Variants in NSD2 observed in about 807,000 individuals in gnomAD.
NSD2 encodes the protein nuclear receptor binding SET domain protein 2.
NSD2 carries 12 observed loss-of-function variants against 139.0 expected under a neutral mutation model. The observed-to-expected ratio is 0.09, with a 90% CI of 0.06 to 0.14. The LOEUF (loss-of-function observed/expected upper bound fraction) is 0.14. Ranked by LOEUF, NSD2 falls within the 10% of genes least tolerant of loss-of-function variation. NSD2 has a pLI of 1.00. For synonymous variants in NSD2, 669 were observed against 648.7 expected, an observed-to-expected ratio of 1.03 and a Z score of -0.48; for missense variants, 1,155 against 1,745.0, an observed-to-expected ratio of 0.66 and a Z score of 6.02.
At chr4:1,929,481 C>G (rs1721374709) in intron 5 of NSD2, among the ~76,000 whole-genome samples, 1 of 152,172 alleles carries the variant, frequency 6.6e-6, no homozygotes, top group South Asian at 2.1e-4. Context: ...GAGCCAGCAT[C>G]AGAGCTGGTT....
At chr4:1,932,917 G>A (rs1236457201) in intron 6 of NSD2, among the ~76,000 whole-genome samples, 1 of 152,244 alleles carries the variant, frequency 6.6e-6, no homozygotes, top group African/African-American at 2.4e-5. Context: ...GGCTGGCTTT[G>A]TGCTCACGAA....
chr4:1,946,767 T>G, intron 9 of NSD2: 1 of 1,049,604 alleles, frequency 9.5e-7, no homozygotes, highest in Non-Finnish European at 1.2e-6. Flanking sequence ...TTCATCTGAT[T>G]CCTATACTGG....
At chr4:1,944,974 G>C in intron 9 of NSD2, 3 of 1,064,528 alleles carry the variant, frequency 2.8e-6, no homozygotes, top group Non-Finnish European at 3.4e-6. Context: ...ACTTAAGCGA[G>C]GTTTCATGAC....
At chr4:1,937,606 C>T (rs770139864) in intron 7 of NSD2, among the ~76,000 whole-genome samples, 2 of 152,164 alleles carry the variant, frequency 1.3e-5, no homozygotes, top group Non-Finnish European at 2.9e-5. Flanking sequence ...ATATGACACC[C>T]AATGTGCACT....
chr4:1,937,536 A>G (rs1413988240), intron 7 of NSD2, among the ~76,000 whole-genome samples: 3 of 150,630 alleles, frequency 2.0e-5, no homozygotes, highest in Non-Finnish European at 4.4e-5. Flanking sequence ...CACATGATAA[A>G]AAGAAGTAAT....
rs537152501 is a variant in NSD2, at chr4:1,911,783, G to T, written c.761-5088G>T. ...AACCCATAAAAATAGTAGAAAATTC[G>T]GTTATGTTATCCGGTTTCTAGATGG... On this transcript the variant is annotated intron_variant, in intron 3 of 21. Transcript: ENST00000508803. Among the ~76,000 whole-genome samples the T allele has an allele frequency of 2.8e-4, 42 of 151,940 alleles. No individual in the cohort carries two copies. In the South Asian group the frequency reaches 6.3e-3, roughly 23 times the overall value.
In NSD2 at chr4:1,948,753, T is replaced by C; in HGVS notation, c.1882-2319T>C. The C allele has an allele frequency of 9.5e-7, 1 of 1,048,100 alleles. No individual in the cohort carries two copies. Among genetic ancestry groups the C allele is most frequent in the Admixed American group, 5.5e-5 (1 of 18,070 alleles). The allele number at this position is 1,048,100 out of a possible 1,614,324, so 64.9% of individuals were successfully genotyped here. On this transcript the variant is annotated intron_variant, in intron 9 of 21. Transcript: ENST00000508803. This position sits in a 1 kb window ranked among gnomAD's most constrained non-coding sequence, Gnocchi z 4.5. ...ACAGACTTTGTTAATGTAGGAAATC[T>C]CTCCAAGTGGAAACGTGCTAACTTT...
intron 1 of NSD2, among the ~76,000 whole-genome samples, chr4:1,872,061 G>A (rs931052741): frequency 6.6e-6 from 1 of 151,740 alleles, no homozygotes; most frequent in African/African-American, 2.4e-5. Flanking sequence ...CGGCGCCGGG[G>A]CCAGGGGTCG....
At chr4:1,957,123 A>G (rs889427040) in intron 15 of NSD2, among the ~76,000 whole-genome samples, 2 of 152,144 alleles carry the variant, frequency 1.3e-5, no homozygotes, top group Non-Finnish European at 2.9e-5. Flanking sequence ...GGCTGCAAAA[A>G]CAGGGCAGAC....
chr4:1,872,613 A>AGAGAGAGAGG (rs1713922396), intron 1 of NSD2, among the ~76,000 whole-genome samples: 1 of 143,768 alleles, frequency 7.0e-6, no homozygotes, highest in African/African-American at 2.6e-5. Flanking sequence ...AGAGAGAGAG[A>AGAGAGAGAGG]GAGAGAGAGA....
intron 5 of NSD2, among the ~76,000 whole-genome samples, chr4:1,920,600 G>A (rs1021420985): frequency 6.6e-6 from 1 of 152,140 alleles, no homozygotes; most frequent in African/African-American, 2.4e-5. Flanking sequence ...TTTGGTACGT[G>A]CATTAAAGTT....
rs200634771 is a variant in NSD2, at chr4:1,945,033, A to G, written c.1881+5255A>G. The G allele has an allele frequency of 1.7e-4, 179 of 1,065,824 alleles. 1 individual carries two copies. In the East Asian group the frequency reaches 8.3e-3, roughly 49 times the overall value. The allele number at this position is 1,065,824 out of a possible 1,614,324, so 66.0% of individuals were successfully genotyped here. ...CAGAGGGTGACTGTGTGTGATGTGC[A>G]GAGTCCTTGGACAGGAGTCGGGGGC... On this transcript the variant is annotated intron_variant, in intron 9 of 21. Coordinates refer to ENST00000508803, the MANE Select transcript of NSD2 (RefSeq NM_001042424.3).
At chr4:1,901,331 T>A (rs1446218358) in intron 2 of NSD2, 80 bp downstream of exon 2, 1 of 1,269,556 alleles carries the variant, frequency 7.9e-7, no homozygotes, top group Non-Finnish European at 1.1e-6. Context: ...CCTGCACGAG[T>A]ACTGGGGCGG....
chr4:1,872,014 C>G (rs1420631534), intron 1 of NSD2, among the ~76,000 whole-genome samples: 3 of 149,556 alleles, frequency 2.0e-5, no homozygotes, highest in Non-Finnish European at 4.5e-5. Flanking sequence ...CGGTCCGGGG[C>G]GGCCGCGGTG....
chr4:1,908,723 A>G (rs1718268132), intron 3 of NSD2, among the ~76,000 whole-genome samples: 1 of 152,108 alleles, frequency 6.6e-6, no homozygotes, highest in Non-Finnish European at 1.5e-5. Context: ...CCCCATTGTC[A>G]CTAATGAGGG....
Position 1,974,148 on chromosome 4 carries a change from C to A in NSD2, c.3373-715C>A, listed in dbSNP as rs1726809870. Among the ~76,000 whole-genome samples the A allele has an allele frequency of 6.6e-6, 1 of 152,282 alleles. No homozygotes were observed. Among genetic ancestry groups the A allele is most frequent in the Admixed American group, 6.5e-5 (1 of 15,300 alleles). ...GTCACTCGGATCTGCATTTCTCCAC[C>A]TCTGCCTGGATTTGCTCTTTGGGAA... On this transcript the variant is annotated intron_variant, in intron 18 of 21. Coordinates refer to ENST00000508803, the MANE Select transcript of NSD2 (RefSeq NM_001042424.3). The surrounding 1 kb of genome is among the most constrained non-coding windows in gnomAD (Gnocchi z 4.0).
intron 3 of NSD2, among the ~76,000 whole-genome samples, chr4:1,911,602 A>AG (rs1560621341): frequency 7.4e-5 from 11 of 147,838 alleles, no homozygotes; most frequent in Non-Finnish European, 1.0e-4. Context: ...AAAAAAAAAA[A>AG]AAAAAGAAAA....
chr4:1,955,894 A>C lies in NSD2; in HGVS notation c.2675+45A>C, dbSNP rs375260041. 5.6e-5 allele frequency: 90 copies of C among 1,610,244 alleles called. No homozygotes were observed. The highest frequency in any genetic ancestry group is 1.6e-4 in the Middle Eastern group (1 of 6,068). On this transcript the variant is annotated intron_variant, in intron 14 of 21. Transcript: ENST00000508803. The surrounding 1 kb of genome is among the most constrained non-coding windows in gnomAD (Gnocchi z 4.7). The stretch of plus-strand genomic sequence containing the variant: ...ATGCTTTTATGTCTTTTCTGTTCAC[A>C]TGTGTTCGCTTTACAGTACTTAAAG...
At chr4:1,901,344 G>A (rs1717148348) in intron 2 of NSD2, 93 bp downstream of exon 2, 13 of 1,180,978 alleles carry the variant, frequency 1.1e-5, no homozygotes, top group Admixed American at 7.1e-5. Flanking sequence ...TGGGGCGGGC[G>A]GAGAAGGTGA....
Sources: gnomAD v4.1 joint callset for allele counts (sites outside exome capture counted in the v4.1 genomes callset) on GRCh38, gnomAD v4.1.1 for gene constraint, Gnocchi (gnomAD v3.1) non-coding constraint, MANE v1.5 for transcripts, NCBI Gene and HGNC (gene_info 2026-07-23, HGNC 2026-07-21) for gene names.